Variants in SCN2A observed in about 807,000 individuals in gnomAD.
SCN2A encodes sodium channel protein type 2 subunit alpha.
Under a neutral mutation model 188.7 loss-of-function variants are expected in SCN2A, and 20 were observed. That is an observed-to-expected ratio of 0.11 (90% confidence interval 0.07 to 0.15). The LOEUF (loss-of-function observed/expected upper bound fraction) is 0.15, where lower values mean the gene tolerates loss of function less well. Among genes scored for constraint, SCN2A ranks in the 10% least tolerant of loss-of-function variants. The pLI is 1.00. For missense variants in SCN2A, 1,278 were observed against 2,445.0 expected (o/e 0.52, Z 10.07); for synonymous variants, 804 against 833.1 (o/e 0.97, Z 0.60).
chr2:165,308,838 T>C, intron 5 of SCN2A, 44 bp downstream of exon 5: 1 of 1,609,798 alleles, frequency 6.2e-7, no homozygotes, highest in African/African-American at 1.3e-5. Context: ...AGTAAATCAC[T>C]GGTGGGAGCC....
At chr2:165,274,536 C>T (rs963449007) in intron 1 of SCN2A, among the ~76,000 whole-genome samples, 1 of 152,076 alleles carries the variant, frequency 6.6e-6, no homozygotes, top group Non-Finnish European at 1.5e-5. Context: ...ATTACCAAAA[C>T]ACTTTTCACA....
chr2:165,342,190 A>T (rs1293071212), intron 14 of SCN2A, 106 bp from the exon 15 acceptor site: 17 of 1,128,158 alleles, frequency 1.5e-5, no homozygotes, highest in Non-Finnish European at 2.1e-5. Context: ...CCAATTTTTT[A>T]AAATCAGAAT....
Position 165,326,976 on chromosome 2 carries a change from C to A in SCN2A, c.2141C>A (p.Thr714Asn). The A allele has an allele frequency of 6.2e-7, 1 of 1,613,910 alleles. No individual in the cohort carries two copies. The highest frequency in any genetic ancestry group is 1.1e-5 in the South Asian group (1 of 91,080). Residue 714 changes from threonine to asparagine, a missense_variant, in exon 13 of 27, where the codon ACC becomes AAC. Thr to Asn is a moderately conservative substitution (Grantham distance 65). This residue lies in a region of SCN2A where 315 missense variants were observed against 386.6 expected (regional missense o/e 0.81). Coordinates refer to ENST00000375437, the MANE Select transcript of SCN2A (RefSeq NM_001040142.2). ...AGTATAGCCAGTATTTTGACCAACA[C>A]CATGGAAGGTATGTTAAAAGTCCTG... ...AMSIASILTN[T>N]MEELEESRQK...
chr2:165,305,062 A>T (rs2105234236), intron 3 of SCN2A, among the ~76,000 whole-genome samples: 1 of 152,332 alleles, frequency 6.6e-6, no homozygotes, highest in Middle Eastern at 3.4e-3. Context: ...CACTTGGACC[A>T]TGCAGTGATA....
chr2:165,256,320 A>T (rs1352050005), intron 1 of SCN2A, among the ~76,000 whole-genome samples: 1 of 151,972 alleles, frequency 6.6e-6, no homozygotes, highest in Non-Finnish European at 1.5e-5. Context: ...TCTTTAATGT[A>T]AATACTATTC....
intron 17 of SCN2A, among the ~76,000 whole-genome samples, chr2:165,359,845 A>C (rs1199258412): frequency 2.0e-5 from 3 of 152,030 alleles, no homozygotes; most frequent in Non-Finnish European, 4.4e-5. Context: ...GCAGTAGGAC[A>C]TCATGACATA....
chr2:165,308,925 A>G (rs957999103), intron 5 of SCN2A, 131 bp downstream of exon 5: 1 of 1,275,616 alleles, frequency 7.8e-7, no homozygotes, highest in African/African-American at 1.5e-5. Context: ...CTTCCAATCA[A>G]ATTATCCAGT....
rs147084515 is a variant in SCN2A, at chr2:165,389,252, G to T, written c.5446G>T (p.Ala1816Ser). 1.1e-4 allele frequency: 175 copies of T among 1,614,026 alleles called. No homozygotes were observed. In the African/African-American group the frequency reaches 1.9e-3, roughly 18 times the overall value. The change falls in exon 27 of 27, where the codon GCC becomes TCC. Residue 1816 changes from alanine to serine, a missense_variant. Ala to Ser is a moderately conservative substitution (Grantham distance 99). Around this residue, in one of 17 missense-constraint regions of SCN2A, gnomAD observed 54 missense variants for 135.4 expected, o/e 0.40. Coordinates refer to ENST00000375437, the MANE Select transcript of SCN2A (RefSeq NM_001040142.2). The surrounding 1 kb of genome is among the most constrained non-coding windows in gnomAD (Gnocchi z 4.2). ...CGATGCGACCCAGTTTATAGAGTTT[G>T]CCAAACTTTCTGATTTTGCAGATGC... is the stretch of plus-strand genomic sequence containing the variant. ...DPDATQFIEF[A>S]KLSDFADALD...
At chr2:165,305,352 A>G (rs763598123) in intron 3 of SCN2A, among the ~76,000 whole-genome samples, 1 of 152,248 alleles carries the variant, frequency 6.6e-6, no homozygotes, top group African/African-American at 2.4e-5. Context: ...CCTATGGACA[A>G]TCAAGTATGT....
chr2:165,326,824 G>A, intron 12 of SCN2A, 28 bp from the exon 13 acceptor site: 2 of 1,613,306 alleles, frequency 1.2e-6, no homozygotes, highest in East Asian at 2.2e-5. Flanking sequence ...AAAAATAGTG[G>A]TTATTTCATC....
At chr2:165,278,344 G>A (rs1322595458) in intron 1 of SCN2A, among the ~76,000 whole-genome samples, 1 of 152,174 alleles carries the variant, frequency 6.6e-6, no homozygotes, top group Admixed American at 6.5e-5. Flanking sequence ...GACTGGGGAG[G>A]CGTCAGGAAA....
chr2:165,256,162 C>T lies in SCN2A; in HGVS notation c.-52+16522C>T, dbSNP rs116959521. On this transcript the variant is annotated intron_variant, in intron 1 of 26. Coordinates refer to ENST00000375437, the MANE Select transcript of SCN2A (RefSeq NM_001040142.2). ...CTGGGACTACAGGCACCTGCCCCCA[C>T]GGCCGACTAATTATGTATTTTTAGT... 5.0e-3 allele frequency among the ~76,000 whole-genome samples: 766 copies of T among 151,902 alleles called. 18 individuals are homozygous for T. The East Asian group carries it at 0.063, about 12-fold the overall frequency.
chr2:165,296,404 C>A (rs1371472700), intron 2 of SCN2A: 3 of 315,352 alleles, frequency 9.5e-6, no homozygotes, highest in South Asian at 4.2e-5. Flanking sequence ...ACCCTGATTC[C>A]CTAATAATGT....
chr2:165,365,373 G>C (rs1252589686), intron 18 of SCN2A, 110 bp downstream of exon 18: 1 of 857,376 alleles, frequency 1.2e-6, no homozygotes, highest in Non-Finnish European at 1.9e-6. Flanking sequence ...CTATCTATCT[G>C]TATCTATCTA....
At chr2:165,380,421 G>A (rs1407650139) in intron 23 of SCN2A, among the ~76,000 whole-genome samples, 171 bp from the exon 24 acceptor site, 1 of 151,714 alleles carries the variant, frequency 6.6e-6, no homozygotes, top group Non-Finnish European at 1.5e-5. Flanking sequence ...GAATAGTCTT[G>A]CAGAACTCTT....
At chr2:165,311,039 A>G (rs1697395769) in intron 7 of SCN2A, among the ~76,000 whole-genome samples, 1 of 152,128 alleles carries the variant, frequency 6.6e-6, no homozygotes, top group African/African-American at 2.4e-5. Context: ...TAGAGAAACC[A>G]TTTATCAAGA....
chr2:165,243,057 T>C (rs1277993759), intron 1 of SCN2A, among the ~76,000 whole-genome samples: 1 of 152,226 alleles, frequency 6.6e-6, no homozygotes, highest in Non-Finnish European at 1.5e-5. Context: ...AATTCTTGAA[T>C]TGGAGACTAA....
At chr2:165,381,905 G>A (rs1001559356) in intron 25 of SCN2A, among the ~76,000 whole-genome samples, 4 of 152,046 alleles carry the variant, frequency 2.6e-5, no homozygotes, top group South Asian at 2.1e-4. Context: ...CAACGTATAC[G>A]TGGTATAAAA....
In SCN2A at chr2:165,365,157, T is replaced by C; in HGVS notation, c.3414T>C (p.Thr1138=). ...TTGATTTTCAGAAGCTAAATGCAAC[T>C]AGTTCATCTGAAGGCAGCACGGTTG... ...MEESKEKLNA[T]SSSEGSTVDI... is the part of the protein sequence containing the mutation. The change falls in exon 18 of 27, where the codon ACT becomes ACC. Residue 1138 remains threonine, a synonymous_variant. Transcript: ENST00000375437. 2 of 1,613,378 alleles carry C rather than the reference T, an allele frequency of 1.2e-6. No homozygotes were observed.
Sources: allele counts gnomAD v4.1 joint callset (sites outside exome capture counted in the v4.1 genomes callset), GRCh38; gene constraint gnomAD v4.1.1; regional missense constraint gnomAD v4.1.1; non-coding constraint Gnocchi (gnomAD v3.1); transcripts MANE v1.5; gene names NCBI Gene and HGNC (gene_info 2026-07-23, HGNC 2026-07-21).